TUT7: variants seen among roughly 807,000 people sequenced by gnomAD.
TUT7 encodes the protein terminal uridylyl transferase 7.
A neutral mutation model predicts 165.9 loss-of-function variants in TUT7; 33 were observed. The observed-to-expected ratio is 0.20, with a 90% confidence interval of 0.15 to 0.27. TUT7 has a LOEUF of 0.27. Ranked by LOEUF, TUT7 falls within the 10% of genes least tolerant of loss-of-function variation. The pLI, the probability that TUT7 is intolerant of heterozygous loss-of-function variation, is 1.00. For synonymous variants in TUT7, 552 were observed against 608.1 expected, an observed-to-expected ratio of 0.91 and a Z score of 1.36; for missense variants, 1,338 against 1,762.3, an observed-to-expected ratio of 0.76 and a Z score of 4.31.
In TUT7 at chr9:86,303,137, C is replaced by G; in HGVS notation, c.4043G>C (p.Arg1348Pro). 6.2e-7 allele frequency: 1 copy of G among 1,610,850 alleles called. No individual in the cohort carries two copies. Among genetic ancestry groups the G allele is most frequent in the Non-Finnish European group, 8.5e-7 (1 of 1,178,454 alleles). Residue 1348 changes from arginine to proline, a missense_variant, in exon 25 of 27, where the codon CGA becomes CCA. Arg to Pro is a moderately radical substitution (Grantham distance 103). Transcript: ENST00000375963. ...GELAPNDRCC[R>P]ICGKIGHFMK... ...GAAGTGTCCGATTTTTCCACAAATT[C>G]GACAACATCTATCATTTGGGGCCAG...
intron 22 of TUT7, 47 bp downstream of exon 22, chr9:86,308,382 T>G (rs1402344145): frequency 6.6e-7 from 1 of 1,520,032 alleles, no homozygotes; most frequent in Non-Finnish European, 9.0e-7. Context: ...GTCCTTATAG[T>G]TCAAGCTCTA....
In TUT7 at chr9:86,322,432, A is replaced by G. The variant is rs1829395592; in HGVS notation, c.2921T>C (p.Leu974Pro). ...VCSLCKREGH[L>P]KKDCPEDFKR... is the part of the protein sequence containing the mutation. The stretch of plus-strand genomic sequence containing the variant: ...GAAGTCTTCAGGACAGTCCTTCTTT[A>G]GATGACCCTCTCGTTTGCATAAGCT... The change falls in exon 14 of 27, where the codon CTA (leucine) becomes CCA (proline). Residue 974 changes from leucine to proline, a missense_variant. By Grantham distance (98) the Leu-to-Pro change is moderately conservative. Transcript: ENST00000375963. 2.5e-6 allele frequency: 4 copies of G among 1,614,116 alleles called. No homozygotes were observed. Among genetic ancestry groups the G allele is most frequent in the Non-Finnish European group, 3.4e-6 (4 of 1,179,968 alleles).
At chr9:86,317,119 G>T in intron 17 of TUT7, 100 bp downstream of exon 17, 2 of 984,996 alleles carry the variant, frequency 2.0e-6, no homozygotes, top group South Asian at 1.4e-5. Flanking sequence ...AGGGGTGATG[G>T]GTGGGCCTGG....
At position 86,319,660 on chromosome 9, in the gene TUT7, A is replaced by T. The variant is rs763427961; in HGVS notation, c.3039T>A (p.Ser1013=). 1.2e-6 allele frequency: 2 copies of T among 1,605,064 alleles called. No homozygotes were observed. Among genetic ancestry groups the T allele is most frequent in the Admixed American group, 3.4e-5 (2 of 58,750 alleles). The part of the protein sequence containing the change: ...QVCIQCYKDF[S]PTIIEDQARE... ...GAGCCTGATCTTCTATAATTGTTGG[A>T]GAAAAATCCTCTGTTTAAAAATAAA... The change falls in exon 15 of 27, where the codon TCT becomes TCA. Residue 1013 remains serine, a synonymous_variant. Transcript: ENST00000375963.
chr9:86,301,938 C>A, intron 25 of TUT7: 1 of 791,938 alleles, frequency 1.3e-6, no homozygotes, highest in Non-Finnish European at 1.5e-6. Flanking sequence ...AACGGCCTTT[C>A]TGGCACATTA....
At chr9:86,330,609 T>G (rs1830228226) in intron 10 of TUT7, among the ~76,000 whole-genome samples, 1 of 152,230 alleles carries the variant, frequency 6.6e-6, no homozygotes, top group Non-Finnish European at 1.5e-5. Context: ...AAAGTTTGAT[T>G]TCTTAATGTT....
chr9:86,335,795 A>G lies in TUT7; in HGVS notation c.1455+1624T>C, dbSNP rs184675131. Among the ~76,000 whole-genome samples the G allele has an allele frequency of 5.2e-3, 791 of 152,288 alleles. 6 individuals carry two copies. Among genetic ancestry groups the G allele is most frequent in the African/African-American group, 0.018 (755 of 41,572 alleles). ...TTAAAATGCTGAACACCGCAGGATC[A>G]TTTTGGTTCGGGTGGTAGTGTGCCT... On this transcript the variant is annotated intron_variant, in intron 10 of 26. Coordinates refer to ENST00000375963, the MANE Select transcript of TUT7 (RefSeq NM_024617.4).
chr9:86,307,266 T>G (rs1827594835), intron 22 of TUT7, among the ~76,000 whole-genome samples: 1 of 150,868 alleles, frequency 6.6e-6, no homozygotes, highest in Non-Finnish European at 1.5e-5. Context: ...AAAGTGAGAC[T>G]GTCTCAAGAA....
chr9:86,290,686 C>CA (rs749800073), intron 26 of TUT7, among the ~76,000 whole-genome samples: 3,951 of 54,630 alleles, frequency 0.072, 103 homozygotes, highest in African/African-American at 0.14. Flanking sequence ...TACTAAAATA[C>CA]AAAAAAAAAA....
intron 24 of TUT7, among the ~76,000 whole-genome samples, chr9:86,304,474 T>G (rs1827264115): frequency 6.6e-6 from 1 of 152,170 alleles, no homozygotes; most frequent in African/African-American, 2.4e-5. Context: ...ATTTACTACT[T>G]TTTGCAAGCA....
At chr9:86,300,830 T>G (rs1229060764) in intron 26 of TUT7, among the ~76,000 whole-genome samples, 1 of 152,228 alleles carries the variant, frequency 6.6e-6, no homozygotes, top group Admixed American at 6.5e-5. Flanking sequence ...CCTATTTCTT[T>G]CTGTTCCCTT....
chr9:86,312,258 G>A (rs1332105195), intron 17 of TUT7, among the ~76,000 whole-genome samples: 5 of 149,736 alleles, frequency 3.3e-5, no homozygotes, highest in Admixed American at 6.6e-5. Flanking sequence ...TGTGGGGAGC[G>A]CCTCTGCTCT....
At chr9:86,345,234 T>C (rs1467439774) in intron 4 of TUT7, 80 bp from the exon 5 acceptor site, 3 of 1,374,406 alleles carry the variant, frequency 2.2e-6, no homozygotes, top group African/African-American at 2.9e-5. Flanking sequence ...CAACACCCTA[T>C]AGAGTTTTCT....
At position 86,352,793 on chromosome 9, in the gene TUT7, T is replaced by C. The variant is rs2131635955; in HGVS notation, c.407A>G (p.Asn136Ser). The change falls in exon 2 of 27, where the codon AAT becomes AGT. Residue 136 changes from asparagine to serine, a missense_variant. This residue lies in a region of TUT7 where 434 missense variants were observed against 480.8 expected (regional missense o/e 0.90). Coordinates refer to ENST00000375963, the MANE Select transcript of TUT7 (RefSeq NM_024617.4). Reference sequence around the variant, plus strand: ...GTCTTGCCACCTATAACCATCTTCATTTTCTTGAAAGGAGTCTTTTCTTTG... The same window carrying C: ...GTCTTGCCACCTATAACCATCTTCACTTTCTTGAAAGGAGTCTTTTCTTTG... ...NRQRKDSFQE[N>S]EDGYRWQDTR... The C allele has an allele frequency of 6.2e-7, 1 of 1,614,198 alleles. No individual in the cohort carries two copies. The highest frequency in any genetic ancestry group is 1.3e-5 in the African/African-American group (1 of 75,054).
intron 9 of TUT7, among the ~76,000 whole-genome samples, chr9:86,337,984 A>G (rs1587987294): frequency 6.6e-6 from 1 of 152,280 alleles, no homozygotes; most frequent in Admixed American, 6.5e-5. Context: ...ACGTGGACAA[A>G]CTCATCACCA....
chr9:86,339,765 C>A (rs1831171516), intron 8 of TUT7, among the ~76,000 whole-genome samples: 1 of 152,188 alleles, frequency 6.6e-6, no homozygotes, highest in Admixed American at 6.5e-5. Flanking sequence ...CAGCAAGTAA[C>A]TATTTAATAA....
Position 86,305,254 on chromosome 9 carries a change from T to A in TUT7, c.3839-15A>T, listed in dbSNP as rs763238204. 1 of 1,572,196 alleles carries A rather than the reference T, an allele frequency of 6.4e-7. No homozygotes were observed. Among genetic ancestry groups the A allele is most frequent in the South Asian group, 1.2e-5 (1 of 83,128 alleles). ...ATCAAAGGGATCTAAGCAAAAAAAT[T>A]TAAGAGCAAATAAGGTAATCAAATA... On this transcript the variant is annotated splice_polypyrimidine_tract_variant and intron_variant, in intron 22 of 26. Transcript: ENST00000375963.
At chr9:86,319,519 C>CA in intron 15 of TUT7, 65 bp downstream of exon 15, 1 of 1,122,258 alleles carries the variant, frequency 8.9e-7, no homozygotes, top group South Asian at 1.4e-5. Flanking sequence ...GTGCTTGTAA[C>CA]ACATGAACTG....
At chr9:86,334,165 C>A (rs1268724609) in intron 10 of TUT7, among the ~76,000 whole-genome samples, 1 of 152,040 alleles carries the variant, frequency 6.6e-6, no homozygotes, top group Non-Finnish European at 1.5e-5. Context: ...CTTCCCGTGG[C>A]AAGTAAAACC....
Sources: allele counts gnomAD v4.1 joint callset (sites outside exome capture counted in the v4.1 genomes callset), GRCh38; gene constraint gnomAD v4.1.1; regional missense constraint gnomAD v4.1.1; transcripts MANE v1.5; gene names NCBI Gene and HGNC (gene_info 2026-07-23, HGNC 2026-07-21).